LHX6: variants seen among roughly 807,000 people sequenced by gnomAD.
LHX6 encodes the protein LIM homeobox 6.
In LHX6, 15 loss-of-function variants were observed where a neutral mutation model predicts 47.1. The ratio of observed to expected loss-of-function variants is 0.32; its 90% CI spans 0.21 to 0.49. LHX6 has a LOEUF of 0.49. Among genes scored for constraint, LHX6 ranks in the 20% least tolerant of loss-of-function variants. LHX6 has a pLI of 0.99. For synonymous variants in LHX6, 242 were observed against 233.5 expected (o/e 1.04, Z -0.33); for missense variants, 404 against 539.6 (o/e 0.75, Z 2.49).
rs765191415 is a variant in LHX6 at position 122,217,574 on chromosome 9, G to A, written c.462-286C>T. On this transcript the variant is annotated intron_variant, in intron 4 of 9. Coordinates refer to ENST00000394319, the MANE Select transcript of LHX6 (RefSeq NM_014368.5). The surrounding 1 kb of genome is among the most constrained non-coding windows in gnomAD (Gnocchi z 4.9). ...TTTGTTTGTTAAAAATACATCACAA[G>A]TTAGAAAAAACACAATAATAGTAAT... is the stretch of plus-strand genomic sequence containing the variant. Among the ~76,000 whole-genome samples, 14 of 152,190 alleles carry A rather than the reference G, an allele frequency of 9.2e-5. No individual in the cohort carries two copies. Among genetic ancestry groups the A allele is most frequent in the Non-Finnish European group, 1.6e-4 (11 of 68,032 alleles).
rs79809051 is a variant in LHX6, at chr9:122,222,120, C to T, written c.461+4256G>A. Among the ~76,000 whole-genome samples, 963 of 152,318 alleles carry T rather than the reference C, an allele frequency of 6.3e-3. 3 individuals carry two copies. Among genetic ancestry groups the T allele is most frequent in the Middle Eastern group, 0.02 (6 of 294 alleles). ...GACTGGTGTCCTGTGTCACTGTAAG[C>T]AATGGCACTTTCCCAGGACATTAGT... On this transcript the variant is annotated intron_variant, in intron 4 of 9. Coordinates refer to ENST00000394319, the MANE Select transcript of LHX6 (RefSeq NM_014368.5).
At chr9:122,227,088 C>T in intron 2 of LHX6, 58 bp from the exon 3 acceptor site, 2 of 1,425,254 alleles carry the variant, frequency 1.4e-6, no homozygotes, top group Non-Finnish European at 1.8e-6. Context: ...GTTGGGGCTG[C>T]CTTGGAGACA....
intron 9 of LHX6, 94 bp from the exon 10 acceptor site, chr9:122,204,874 G>A (rs887665903): frequency 6.8e-5 from 55 of 812,336 alleles, no homozygotes; most frequent in Admixed American, 7.1e-5. Flanking sequence ...AAGAAGGGTG[G>A]ACTCAGGGCC....
chr9:122,211,778 T>C (rs1262054165), intron 8 of LHX6, among the ~76,000 whole-genome samples: 1 of 152,222 alleles, frequency 6.6e-6, no homozygotes, highest in Non-Finnish European at 1.5e-5. Context: ...GCAGGGACTC[T>C]GGAGGTCATG....
intron 4 of LHX6, among the ~76,000 whole-genome samples, chr9:122,224,342 A>G (rs1033857842): frequency 2.0e-4 from 31 of 152,080 alleles, no homozygotes; most frequent in African/African-American, 7.5e-4. Flanking sequence ...CATGTTTTAT[A>G]CCAACTGGAG....
In LHX6 at chr9:122,216,662, C is replaced by A. The variant is rs905847714; in HGVS notation, c.682+406G>T. 3.3e-5 allele frequency among the ~76,000 whole-genome samples: 5 copies of A among 152,166 alleles called. No individual in the cohort carries two copies. In the South Asian group the frequency reaches 1.0e-3, roughly 32 times the overall value. ...GTCATCTCTCCAGGACTGGCCCAAG[C>A]CTGGTCCCAGGCAACCGGAGGGGAT... On this transcript the variant is annotated intron_variant, in intron 5 of 9. Transcript: ENST00000394319.
At position 122,213,497 on chromosome 9, in the gene LHX6, G is replaced by C. The variant is rs547254073; in HGVS notation, c.1054+109C>G. 1.6e-5 allele frequency: 16 copies of C among 993,832 alleles called. No individual in the cohort carries two copies. The East Asian group carries it at 4.0e-4, about 25-fold the overall frequency. 61.6% of individuals were successfully genotyped at this position (993,832 alleles called of 1,614,324 possible). ...CTTCGGGTCCCGCTTCTTCACCCAC[G>C]AGGCTCCCCAAGGCCCTCCACCCCA... is the stretch of plus-strand genomic sequence containing the variant. On this transcript the variant is annotated intron_variant, in intron 8 of 9. Transcript: ENST00000394319. The surrounding 1 kb of genome is among the most constrained non-coding windows in gnomAD (Gnocchi z 5.5).
At chr9:122,228,222 CG>C in intron 1 of LHX6, 1 of 1,511,828 alleles carries the variant, frequency 6.6e-7, no homozygotes, top group South Asian at 1.2e-5. Context: ...AGAGCGAGAT[CG>C]GGGCGAAACG....
intron 4 of LHX6, chr9:122,221,172 T>G (rs1830838689): frequency 5.1e-6 from 5 of 985,396 alleles, no homozygotes; most frequent in Non-Finnish European, 6.0e-6. Flanking sequence ...GCCCTACCTA[T>G]TCTCTCTGCT....
At chr9:122,221,808 C>A (rs73663052) in intron 4 of LHX6, 9 of 744,860 alleles carry the variant, frequency 1.2e-5, no homozygotes, top group African/African-American at 3.8e-5. Flanking sequence ...AGGGGCCCCA[C>A]GATGCACAGA....
At position 122,226,357 on chromosome 9, in the gene LHX6, C is replaced by A. The variant is rs374068035; in HGVS notation, c.461+19G>T. The A allele has an allele frequency of 5.6e-6, 9 of 1,604,298 alleles. No individual in the cohort carries two copies. Among genetic ancestry groups the A allele is most frequent in the Admixed American group, 5.1e-5 (3 of 58,848 alleles). ...GGCCTGCCCTCGGCGACACTGCTGG[C>A]TCGGCGGCCGCAGCCTACCTGAAGT... On this transcript the variant is annotated intron_variant, in intron 4 of 9. Transcript: ENST00000394319. This position sits in a 1 kb window ranked among gnomAD's most constrained non-coding sequence, Gnocchi z 6.5.
chr9:122,208,101 G>A (rs1830253644), intron 9 of LHX6, among the ~76,000 whole-genome samples: 1 of 152,078 alleles, frequency 6.6e-6, no homozygotes, highest in Admixed American at 6.5e-5. Context: ...TTCTGCAGCA[G>A]GCCCTCCAGG....
rs923292248 is a variant in LHX6 at position 122,217,945 on chromosome 9, G to T, written c.462-657C>A. On this transcript the variant is annotated intron_variant, in intron 4 of 9. Coordinates refer to ENST00000394319, the MANE Select transcript of LHX6 (RefSeq NM_014368.5). This position sits in a 1 kb window ranked among gnomAD's most constrained non-coding sequence, Gnocchi z 4.9. Reference sequence around the variant, plus strand: ...ACAACAGCAATGACTACTACTGTTTGTTTAGTGCTTTGCAGTTGGCTAAGT... The same window carrying T: ...ACAACAGCAATGACTACTACTGTTTTTTTAGTGCTTTGCAGTTGGCTAAGT... Among the ~76,000 whole-genome samples, 5 of 152,332 alleles carry T rather than the reference G, an allele frequency of 3.3e-5. No homozygotes were observed. The highest frequency in any genetic ancestry group is 1.9e-4 in the East Asian group (1 of 5,190).
chr9:122,205,049 C>A (rs929612036), intron 9 of LHX6, among the ~76,000 whole-genome samples: 2 of 152,228 alleles, frequency 1.3e-5, no homozygotes, highest in Non-Finnish European at 2.9e-5. Flanking sequence ...GCAGCAAAAG[C>A]CTTCTGGGCA....
intron 4 of LHX6, among the ~76,000 whole-genome samples, chr9:122,220,052 G>A (rs1299334367): frequency 6.6e-6 from 1 of 152,250 alleles, no homozygotes; most frequent in African/African-American, 2.4e-5. Context: ...CTGTGCGCTT[G>A]GCTCGTGGGA....
Position 122,202,768 on chromosome 9 carries a change from T to C in LHX6, c.*1992A>G, listed in dbSNP as rs1338453916. On this transcript the variant is annotated 3_prime_UTR_variant, in exon 10 of 10. Transcript: ENST00000394319. ...TTAAATAAATAGTCTTGATGGCCTGTACGTTCCCAGGCTGCTCTTAACAGG... is the reference window on the plus strand; with the variant it reads ...TTAAATAAATAGTCTTGATGGCCTGCACGTTCCCAGGCTGCTCTTAACAGG... The C allele has an allele frequency of 6.6e-6, 1 of 152,622 alleles. No homozygotes were observed. Among genetic ancestry groups the C allele is most frequent in the Non-Finnish European group, 1.5e-5 (1 of 68,042 alleles). 9.5% of individuals were successfully genotyped at this position (152,622 alleles called of 1,614,324 possible). A position where few individuals can be genotyped will look rare whatever the true frequency, so the allele number is the denominator to read the frequency against.
intron 9 of LHX6, among the ~76,000 whole-genome samples, chr9:122,208,902 A>G (rs903129072): frequency 4.0e-5 from 6 of 151,368 alleles, no homozygotes; most frequent in African/African-American, 1.5e-4. Context: ...TCTGGGCCTC[A>G]ACGTTCCCAT....
At chr9:122,212,274 T>C (rs1465384486) in intron 8 of LHX6, among the ~76,000 whole-genome samples, 1 of 152,170 alleles carries the variant, frequency 6.6e-6, no homozygotes, top group East Asian at 1.9e-4. Context: ...ATGTGAAGCC[T>C]GGCAATCTGA....
rs571207925 is a variant in LHX6 at position 122,212,021 on chromosome 9, C to T, written c.1054+1585G>A. ...AGAGACATGGTTTCCAACTGGCAGC[C>T]TGGTGCGAAGACAGGGCTCTGCACT... On this transcript the variant is annotated intron_variant, in intron 8 of 9. Coordinates refer to ENST00000394319, the MANE Select transcript of LHX6 (RefSeq NM_014368.5). Among the ~76,000 whole-genome samples the T allele has an allele frequency of 8.9e-3, 1,355 of 152,296 alleles. 20 individuals carry two copies. Among genetic ancestry groups the T allele is most frequent in the Middle Eastern group, 0.037 (11 of 294 alleles).
Sources: allele counts gnomAD v4.1 joint callset (sites outside exome capture counted in the v4.1 genomes callset), GRCh38; gene constraint gnomAD v4.1.1; non-coding constraint Gnocchi (gnomAD v3.1); transcripts MANE v1.5; gene names NCBI Gene and HGNC (gene_info 2026-07-23, HGNC 2026-07-21).